Variants in CDH4 observed in about 807,000 individuals in gnomAD.
The protein encoded by CDH4 is cadherin-4.
A neutral mutation model predicts 86.0 loss-of-function variants in CDH4; 33 were observed. The ratio of observed to expected loss-of-function variants is 0.38; its 90% CI spans 0.29 to 0.51. The LOEUF (loss-of-function observed/expected upper bound fraction) is 0.51, where lower values mean the gene tolerates loss of function less well. Ranked by LOEUF, CDH4 falls within the 20% of genes least tolerant of loss-of-function variation. The probability of loss-of-function intolerance (pLI) is 0.86; values close to 1 mark genes in which losing one functional copy is unlikely to be tolerated. For synonymous variants in CDH4, 555 were observed against 549.4 expected, an observed-to-expected ratio of 1.01 and a Z score of -0.14; for missense variants, 1,114 against 1,307.4, an observed-to-expected ratio of 0.85 and a Z score of 2.28.
At chr20:61,935,445 T>C (rs1324581483) in intron 15 of CDH4, among the ~76,000 whole-genome samples, 2 of 151,640 alleles carry the variant, frequency 1.3e-5, no homozygotes, top group Non-Finnish European at 2.9e-5. Flanking sequence ...CCCTGCCCAG[T>C]CTATAATTAA....
chr20:61,329,876 A>G (rs1766507770), intron 2 of CDH4, among the ~76,000 whole-genome samples: 1 of 39,532 alleles, frequency 2.5e-5, no homozygotes, highest in African/African-American at 9.6e-5. Context: ...GCCCCAGTGT[A>G]TGTTGTTCCC....
chr20:61,546,151 TTC>T (rs2086083251), intron 2 of CDH4, among the ~76,000 whole-genome samples: 1 of 54,254 alleles, frequency 1.8e-5, no homozygotes, highest in Non-Finnish European at 3.7e-5. Flanking sequence ...TTTGTTCACA[TTC>T]GTGAGGGTGT....
intron 2 of CDH4, among the ~76,000 whole-genome samples, chr20:61,440,597 A>C (rs917435800): frequency 6.6e-6 from 1 of 152,226 alleles, no homozygotes; most frequent in Non-Finnish European, 1.5e-5. Context: ...TTGACTATAA[A>C]ATTTCAACCC....
intron 4 of CDH4, among the ~76,000 whole-genome samples, chr20:61,806,171 A>C (rs192490518): frequency 5.3e-4 from 80 of 152,362 alleles, no homozygotes; most frequent in African/African-American, 1.7e-3. Flanking sequence ...ACAGTGCGGC[A>C]GTGACCTCTT....
rs6061673 is a variant in CDH4, at chr20:61,620,049, G to T, written c.170-123514G>T. Among the ~76,000 whole-genome samples the T allele has an allele frequency of 2.4e-3, 370 of 151,340 alleles. 1 individual carries two copies. Among genetic ancestry groups the T allele is most frequent in the African/African-American group, 8.1e-3 (336 of 41,332 alleles). The stretch of plus-strand genomic sequence containing the variant: ...GGGGAGCCAGGCAGGGATCACAGCT[G>T]CTTGCAAGGCCTGTCCTCCCTGGCT... On this transcript the variant is annotated intron_variant, in intron 2 of 15. Transcript: ENST00000614565.
At chr20:61,821,566 C>T (rs1981045432) in intron 4 of CDH4, among the ~76,000 whole-genome samples, 1 of 151,910 alleles carries the variant, frequency 6.6e-6, no homozygotes, top group South Asian at 2.1e-4. Flanking sequence ...ATCCCTGCTC[C>T]CTGATGTTCC....
rs2086281776 is a variant in CDH4, at chr20:61,565,321, GCTC to G, written c.170-178241_170-178239del. Among the ~76,000 whole-genome samples, 4 of 100,314 alleles carry G rather than the reference GCTC, an allele frequency of 4.0e-5. No individual in the cohort carries two copies. The South Asian group carries it at 1.3e-3, about 31-fold the overall frequency. 65.8% of individuals were successfully genotyped at this position (100,314 alleles called of 152,430 possible). A position where few individuals can be genotyped will look rare whatever the true frequency, so the allele number is the denominator to read the frequency against. ...TGGCGGTGCTCTTGGTGGTGGCGGT[GCTC>G]TTGGTGATGGTGGTAGTGGTCCTCT... On this transcript the variant is annotated intron_variant, in intron 2 of 15. Coordinates refer to ENST00000614565, the MANE Select transcript of CDH4 (RefSeq NM_001794.5).
Position 61,300,986 on chromosome 20 carries a change from G to T in CDH4, c.169+46049G>T, listed in dbSNP as rs185486545. On this transcript the variant is annotated intron_variant, in intron 2 of 15. Transcript: ENST00000614565. ...GCAGGGCCCTCCCACCTCCTCACAT[G>T]AGCTGCTGGGCAGCCGTGGACTCAC... is the stretch of plus-strand genomic sequence containing the variant. Among the ~76,000 whole-genome samples the T allele has an allele frequency of 5.2e-3, 786 of 152,242 alleles. 9 individuals are homozygous for T. Among genetic ancestry groups the T allele is most frequent in the Admixed American group, 0.012 (186 of 15,300 alleles).
intron 2 of CDH4, among the ~76,000 whole-genome samples, chr20:61,602,585 G>A (rs2086609960): frequency 6.6e-6 from 1 of 151,440 alleles, no homozygotes; most frequent in African/African-American, 2.4e-5. Context: ...TTGGTGAGCT[G>A]GAAGGAGGAG....
At chr20:61,352,074 G>C (rs1351080255) in intron 2 of CDH4, among the ~76,000 whole-genome samples, 1 of 152,092 alleles carries the variant, frequency 6.6e-6, no homozygotes, top group South Asian at 2.1e-4. Flanking sequence ...TCACCCTGTT[G>C]TGCTAACAAA....
intron 5 of CDH4, 43 bp downstream of exon 5, chr20:61,844,866 G>C (rs201437377): frequency 1.3e-6 from 2 of 1,572,774 alleles, no homozygotes; most frequent in Non-Finnish European, 1.7e-6. Flanking sequence ...CTGGGGTGGC[G>C]ATCCCAGCCC....
chr20:61,293,933 A>T lies in CDH4; in HGVS notation c.169+38996A>T, dbSNP rs142596799. Among the ~76,000 whole-genome samples the T allele has an allele frequency of 7.4e-3, 1,119 of 151,924 alleles. 6 individuals carry two copies. Among genetic ancestry groups the T allele is most frequent in the Non-Finnish European group, 0.013 (906 of 67,966 alleles). On this transcript the variant is annotated intron_variant, in intron 2 of 15. Transcript: ENST00000614565. ...CACTTTGTGGTCTGGACATGCCCGT[A>T]GGCACAGGGAAGCTGGTGAGGTGCT... is the stretch of plus-strand genomic sequence containing the variant.
At chr20:61,842,230 G>A (rs763249068) in intron 4 of CDH4, among the ~76,000 whole-genome samples, 3 of 152,200 alleles carry the variant, frequency 2.0e-5, no homozygotes, top group Non-Finnish European at 4.4e-5. Context: ...CTATTCAGGC[G>A]CGATGAAGGA....
At chr20:61,430,454 G>A (rs980650260) in intron 2 of CDH4, among the ~76,000 whole-genome samples, 1 of 152,156 alleles carries the variant, frequency 6.6e-6, no homozygotes, top group Non-Finnish European at 1.5e-5. Context: ...TGTAATTGCA[G>A]GAGGAAATGG....
At chr20:61,753,622 C>T (rs1009049706) in intron 3 of CDH4, among the ~76,000 whole-genome samples, 2 of 152,232 alleles carry the variant, frequency 1.3e-5, no homozygotes, top group African/African-American at 4.8e-5. Context: ...ACCAAGCTCT[C>T]ACCCAGTTGT....
intron 2 of CDH4, chr20:61,570,799 C>G: frequency 1.4e-6 from 1 of 702,116 alleles, no homozygotes; most frequent in East Asian, 2.7e-5. Flanking sequence ...TGCTAATTAC[C>G]TTCTCTGCCG....
intron 2 of CDH4, among the ~76,000 whole-genome samples, chr20:61,665,886 G>A (rs981737284): frequency 1.3e-5 from 2 of 152,200 alleles, no homozygotes; most frequent in African/African-American, 4.8e-5. Flanking sequence ...CTGTCAGGAA[G>A]CCCAGGAAAA....
At chr20:61,396,943 C>T (rs2085020921) in intron 2 of CDH4, among the ~76,000 whole-genome samples, 1 of 152,190 alleles carries the variant, frequency 6.6e-6, no homozygotes, top group African/African-American at 2.4e-5. Flanking sequence ...GACAGTCTCA[C>T]TTTGTCACCC....
intron 2 of CDH4, among the ~76,000 whole-genome samples, chr20:61,509,480 G>C (rs1039315096): frequency 1.4e-5 from 2 of 147,854 alleles, no homozygotes; most frequent in Non-Finnish European, 3.0e-5. Flanking sequence ...GGAGGAGGAG[G>C]AGGAGGCATT....
Sources: allele counts gnomAD v4.1 joint callset (sites outside exome capture counted in the v4.1 genomes callset), GRCh38; gene constraint gnomAD v4.1.1; transcripts MANE v1.5; gene names NCBI Gene and HGNC (gene_info 2026-07-23, HGNC 2026-07-21).